MAPK10: variants seen among roughly 807,000 people sequenced by gnomAD.
MAPK10 encodes mitogen-activated protein kinase 10.
MAPK10 carries 25 observed loss-of-function variants against 59.3 expected under a neutral mutation model. The observed-to-expected ratio is 0.42, with a 90% CI of 0.31 to 0.59. The LOEUF is 0.59. Among genes scored for constraint, MAPK10 ranks in the 20% least tolerant of loss-of-function variants. The pLI, the probability that MAPK10 is intolerant of heterozygous loss-of-function variation, is 0.15. For missense variants in MAPK10, 351 were observed against 568.9 expected, an observed-to-expected ratio of 0.62 and a Z score of 3.90; for synonymous variants, 190 against 200.5, an observed-to-expected ratio of 0.95 and a Z score of 0.44.
chr4:86,352,056 T>C (rs924052737), intron 2 of MAPK10: 3 of 152,190 alleles, frequency 2.0e-5, no homozygotes, highest in African/African-American at 4.8e-5. Flanking sequence ...AAATCAAGTG[T>C]TGGTGAGAAT....
At chr4:86,520,901 A>G (rs894682937) in intron 1 of MAPK10, among the ~76,000 whole-genome samples, 1 of 152,118 alleles carries the variant, frequency 6.6e-6, no homozygotes, top group African/African-American at 2.4e-5. Flanking sequence ...TAGTCACCCA[A>G]TGGGGCTACT....
At chr4:86,148,367 G>A (rs921567040) in intron 4 of MAPK10, among the ~76,000 whole-genome samples, 8 of 152,196 alleles carry the variant, frequency 5.3e-5, no homozygotes, top group South Asian at 2.1e-4. Context: ...ATAAATACCC[G>A]AAGCATAAAA....
At chr4:86,420,723 A>G (rs992726782) in intron 1 of MAPK10, among the ~76,000 whole-genome samples, 1 of 152,180 alleles carries the variant, frequency 6.6e-6, no homozygotes, top group South Asian at 2.1e-4. Flanking sequence ...TGGAAGGTCA[A>G]GGCTGCAGTG....
intron 2 of MAPK10, among the ~76,000 whole-genome samples, chr4:86,243,302 T>C (rs2092868212): frequency 6.6e-6 from 1 of 152,250 alleles, no homozygotes. Context: ...CCTAGAAGCC[T>C]TAATTGTGGA....
intron 3 of MAPK10, among the ~76,000 whole-genome samples, chr4:86,173,277 A>C (rs1336151362): frequency 1.3e-5 from 2 of 152,170 alleles, no homozygotes; most frequent in African/African-American, 4.8e-5. Flanking sequence ...ACAGATACAT[A>C]GATCAATTGA....
At chr4:86,385,178 A>C (rs1741302883) in intron 1 of MAPK10, among the ~76,000 whole-genome samples, 1 of 152,040 alleles carries the variant, frequency 6.6e-6, no homozygotes, top group Admixed American at 6.6e-5. Context: ...TTCAATGAAA[A>C]TAAAATAAAT....
intron 11 of MAPK10, among the ~76,000 whole-genome samples, chr4:86,045,523 C>T (rs888162889): frequency 1.3e-5 from 2 of 152,028 alleles, no homozygotes; most frequent in African/African-American, 4.8e-5. Flanking sequence ...ACAGATCTAT[C>T]CTCCTGCCTT....
At chr4:86,472,475 T>C (rs1315470117) in intron 1 of MAPK10, among the ~76,000 whole-genome samples, 1 of 152,050 alleles carries the variant, frequency 6.6e-6, no homozygotes, top group African/African-American at 2.4e-5. Context: ...CAAAACCCCA[T>C]CTCTACAAGA....
chr4:86,569,019 G>A (rs111493126), intron 1 of MAPK10, among the ~76,000 whole-genome samples: 244 of 152,112 alleles, frequency 1.6e-3, no homozygotes, highest in African/African-American at 5.6e-3. Flanking sequence ...ACAACCTACA[G>A]AATCAGAGAA....
intron 1 of MAPK10, among the ~76,000 whole-genome samples, chr4:86,535,220 C>T (rs75107335): frequency 0.047 from 7,126 of 152,200 alleles, 221 homozygotes; most frequent in African/African-American, 0.059. Context: ...CTGAGACTCT[C>T]CTACCAAAGC....
At position 86,350,904 on chromosome 4, in the gene MAPK10, G is replaced by A. The variant is rs542167099; in HGVS notation, c.-7+3626C>T. Among the ~76,000 whole-genome samples, 43 of 152,248 alleles carry A rather than the reference G, an allele frequency of 2.8e-4. No homozygotes were observed. In the South Asian group the frequency reaches 8.5e-3, roughly 30 times the overall value. Reference sequence around the variant, plus strand: ...TGAAAAAGGACTTGTCTGAGAAATGGTTAGGAAATAGAATAGGTTGATTGT... The same window carrying A: ...TGAAAAAGGACTTGTCTGAGAAATGATTAGGAAATAGAATAGGTTGATTGT... On this transcript the variant is annotated intron_variant, in intron 2 of 13. Coordinates refer to ENST00000641462, the MANE Select transcript of MAPK10 (RefSeq NM_138982.4).
chr4:86,236,426 A>G (rs1233363100), intron 2 of MAPK10, among the ~76,000 whole-genome samples: 1 of 152,230 alleles, frequency 6.6e-6, no homozygotes, highest in African/African-American at 2.4e-5. Context: ...GGAAGAAGGA[A>G]TCAGACTTCT....
At chr4:86,403,638 G>A (rs569184325) in intron 1 of MAPK10, among the ~76,000 whole-genome samples, 111 of 152,270 alleles carry the variant, frequency 7.3e-4, no homozygotes, top group Non-Finnish European at 1.3e-3. Context: ...TTACAATCAT[G>A]ACAGAAGACA....
At chr4:86,207,438 T>G (rs2084392195) in intron 2 of MAPK10, among the ~76,000 whole-genome samples, 6 of 152,208 alleles carry the variant, frequency 3.9e-5, no homozygotes, top group Admixed American at 2.0e-4. Flanking sequence ...CATGCTGTTT[T>G]GGTTACTGTA....
intron 2 of MAPK10, among the ~76,000 whole-genome samples, chr4:86,238,653 T>C (rs1340271481): frequency 2.0e-5 from 3 of 152,306 alleles, no homozygotes; most frequent in African/African-American, 4.8e-5. Context: ...CGCTTGCCTA[T>C]TGTTGGTGTA....
chr4:86,449,421 C>A (rs1458063122), intron 1 of MAPK10, among the ~76,000 whole-genome samples: 4 of 152,166 alleles, frequency 2.6e-5, no homozygotes, highest in African/African-American at 9.7e-5. Context: ...TATTTAAGAC[C>A]ACCAATGGTT....
At position 86,040,060 on chromosome 4, in the gene MAPK10, C is replaced by A. The variant is rs1347096675; in HGVS notation, c.1111-8629G>T. ...CAGTCTGCAAAGACTGGAATAAGCC[C>A]TTACTTCTTCAGATGCACAGACATC... On this transcript the variant is annotated intron_variant, in intron 11 of 13. Coordinates refer to ENST00000641462, the MANE Select transcript of MAPK10 (RefSeq NM_138982.4). Among the ~76,000 whole-genome samples the A allele has an allele frequency of 2.6e-5, 4 of 152,154 alleles. No homozygotes were observed. The South Asian group carries it at 6.2e-4, about 24-fold the overall frequency.
At chr4:86,110,596 A>C (rs2149090880) in intron 4 of MAPK10, among the ~76,000 whole-genome samples, 1 of 150,740 alleles carries the variant, frequency 6.6e-6, no homozygotes, top group African/African-American at 2.4e-5. Context: ...TATCTTTTTC[A>C]TTTTTTTGTA....
intron 1 of MAPK10, among the ~76,000 whole-genome samples, chr4:86,472,172 A>C (rs1306228421): frequency 4.6e-5 from 7 of 152,202 alleles, no homozygotes; most frequent in Non-Finnish European, 1.0e-4. Context: ...TGAGAAGCAC[A>C]CAAACATTTG....
Sources: gnomAD v4.1 joint callset for allele counts (sites outside exome capture counted in the v4.1 genomes callset) on GRCh38, gnomAD v4.1.1 for gene constraint, MANE v1.5 for transcripts, NCBI Gene and HGNC (gene_info 2026-07-23, HGNC 2026-07-21) for gene names.